The following FAAH2 variants were observed in gnomAD, a reference collection of about 807,000 sequenced individuals.
The protein encoded by FAAH2 is fatty-acid amide hydrolase 2.
Under a neutral mutation model 36.9 loss-of-function variants are expected in FAAH2, and 60 were observed. The observed-to-expected ratio is 1.63, with a 90% CI of 1.32 to 2.02. The LOEUF is 2.02. FAAH2 is among the 30% of genes most tolerant of loss of function. The pLI, the probability that FAAH2 is intolerant of heterozygous loss-of-function variation, is 0.00. For synonymous variants in FAAH2, 214 were observed against 143.8 expected, an observed-to-expected ratio of 1.49 and a Z score of -3.49; for missense variants, 689 against 397.5, an observed-to-expected ratio of 1.73 and a Z score of -6.23.
intron 10 of FAAH2, among the ~76,000 whole-genome samples, chrX:57,471,996 G>A (rs2057177261): frequency 8.9e-6 from 1 of 111,941 alleles, no homozygotes; most frequent in South Asian, 3.7e-4. Flanking sequence ...ATGAGGAAAG[G>A]ATTCCCTATT....
the FAAH2 span, among the ~76,000 whole-genome samples, chrX:57,155,717 TCTACTGTGATCTTTTCCCAGTTCCTCTGG>T: frequency 2.7e-5 from 3 of 112,227 alleles, no homozygotes; most frequent in African/African-American, 3.2e-5. Context: ...GAGGTTTCCT[TCTACTGTGATCTTTTCCCAGTTCCTCTGG>T]CTACTGTGAT....
At chrX:57,147,875 T>A in the FAAH2 span, among the ~76,000 whole-genome samples, 2 of 112,078 alleles carry the variant, frequency 1.8e-5, no homozygotes, top group Admixed American at 9.5e-5. Context: ...TTTGAAGATT[T>A]CTTTTGGAGT....
the FAAH2 span, among the ~76,000 whole-genome samples, chrX:57,141,206 G>T: frequency 9.0e-6 from 1 of 111,134 alleles, no homozygotes; most frequent in Non-Finnish European, 1.9e-5. Flanking sequence ...TATGGTTTTG[G>T]TACTTTATTC....
chrX:57,443,040 A>G (rs181795434), intron 8 of FAAH2, among the ~76,000 whole-genome samples: 33 of 111,542 alleles, frequency 3.0e-4, no homozygotes, highest in Non-Finnish European at 5.6e-4. Context: ...TCTGCCCTTG[A>G]CATTGTTTTC....
At chrX:57,226,987 A>G in the FAAH2 span, among the ~76,000 whole-genome samples, 180 of 110,925 alleles carry the variant, frequency 1.6e-3, no homozygotes, top group Non-Finnish European at 1.2e-3. Flanking sequence ...AGTGTGTCCA[A>G]TGTTTCCTGA....
At chrX:57,431,577 A>G (rs970965830) in intron 7 of FAAH2, among the ~76,000 whole-genome samples, 2 of 110,675 alleles carry the variant, frequency 1.8e-5, no homozygotes, top group African/African-American at 6.6e-5. Context: ...CAATGGAGGA[A>G]CCAATAATTT....
At chrX:57,311,934 G>C (rs763435413) in intron 3 of FAAH2, among the ~76,000 whole-genome samples, 1 of 112,106 alleles carries the variant, frequency 8.9e-6, no homozygotes, top group East Asian at 2.8e-4. Flanking sequence ...AATGAAGCTG[G>C]GGAGGAGCTC....
intron 10 of FAAH2, among the ~76,000 whole-genome samples, chrX:57,477,364 C>A (rs1327791347): frequency 9.0e-6 from 1 of 110,844 alleles, no homozygotes; most frequent in Non-Finnish European, 1.9e-5. Context: ...ATGGGTACAG[C>A]TTTTAATAAT....
chrX:57,323,896 T>C, intron 3 of FAAH2, among the ~76,000 whole-genome samples: 1 of 111,315 alleles, frequency 9.0e-6, no homozygotes, highest in South Asian at 3.8e-4. Context: ...TTTCATGTTT[T>C]AGACATGAAG....
rs767491483 is a variant in FAAH2 at position 57,380,964 on chromosome X, G to A, written c.931G>A (p.Glu311Lys). The A allele has an allele frequency of 1.1e-5, 13 of 1,200,983 alleles. No individual in the cohort carries two copies. The South Asian group carries it at 2.2e-4, about 20-fold the overall frequency. ...HLKDLKFYWMEHDGGSFLMSK... is the reference protein window; with the variant it reads ...HLKDLKFYWMKHDGGSFLMSK... ...AAAAGACTTAAAATTTTACTGGATGGAACATGATGGAGGCTCATTTTTAAT... is the reference window on the plus strand; with the variant it reads ...AAAAGACTTAAAATTTTACTGGATGAAACATGATGGAGGCTCATTTTTAAT... The change falls in exon 7 of 11, where the codon GAA (glutamate) becomes AAA (lysine). Residue 311 changes from glutamate to lysine, a missense_variant. Glu to Lys is a moderately conservative substitution (Grantham distance 56). Transcript: ENST00000374900.
At chrX:57,454,451 T>C (rs749746223) in intron 10 of FAAH2, among the ~76,000 whole-genome samples, 1 of 112,008 alleles carries the variant, frequency 8.9e-6, no homozygotes, top group Non-Finnish European at 1.9e-5. Context: ...CTCCCAGAAA[T>C]GGTTCTTAAC....
chrX:57,260,717 TAAAC>T, the FAAH2 span, among the ~76,000 whole-genome samples: 1 of 111,297 alleles, frequency 9.0e-6, no homozygotes, highest in African/African-American at 3.3e-5. Flanking sequence ...GTGAAAAATT[TAAAC>T]AAACACTAGG....
At chrX:57,396,858 G>A (rs1236340900) in intron 7 of FAAH2, among the ~76,000 whole-genome samples, 4 of 111,471 alleles carry the variant, frequency 3.6e-5, no homozygotes, top group Non-Finnish European at 7.5e-5. Context: ...CGGTTCATTT[G>A]GTCTGGGTCC....
the FAAH2 span, among the ~76,000 whole-genome samples, chrX:57,198,829 G>A: frequency 8.9e-6 from 1 of 111,845 alleles, no homozygotes; most frequent in Non-Finnish European, 1.9e-5. Flanking sequence ...CTCTAAATTT[G>A]TTCCAGTTCT....
chrX:57,399,844 A>T (rs1247915390), intron 7 of FAAH2, among the ~76,000 whole-genome samples: 1 of 111,846 alleles, frequency 8.9e-6, no homozygotes, highest in African/African-American at 3.3e-5. Context: ...CTAGCGCCTG[A>T]GTGAGGGCTA....
intron 10 of FAAH2, among the ~76,000 whole-genome samples, chrX:57,479,162 A>C (rs1184822121): frequency 9.0e-6 from 1 of 110,763 alleles, no homozygotes; most frequent in Non-Finnish European, 1.9e-5. Flanking sequence ...CTTTTATTTC[A>C]TTGAGCAGTG....
intron 5 of FAAH2, among the ~76,000 whole-genome samples, chrX:57,347,155 A>G (rs952694298): frequency 1.1e-4 from 12 of 111,391 alleles, no homozygotes; most frequent in African/African-American, 3.6e-4. Context: ...TTTCAAATAT[A>G]TTTTCCAAGT....
the FAAH2 span, among the ~76,000 whole-genome samples, chrX:57,243,133 C>T: frequency 9.0e-6 from 1 of 111,690 alleles, no homozygotes; most frequent in Admixed American, 9.5e-5. Flanking sequence ...AACAAAGCTG[C>T]CAGGAAGTTC....
Position 57,340,372 on chromosome X carries a change from C to T in FAAH2, c.623-899C>T, listed in dbSNP as rs1020288276. 1.3e-4 allele frequency among the ~76,000 whole-genome samples: 14 copies of T among 111,951 alleles called. No homozygotes were observed. The Middle Eastern group carries it at 0.014, about 112-fold the overall frequency. The stretch of plus-strand genomic sequence containing the variant: ...CTCCTTTGCAACACTCTCACAGACA[C>T]ACCCAGGAAGAATACTTTGCATTTT... On this transcript the variant is annotated intron_variant, in intron 4 of 10. Coordinates refer to ENST00000374900, the MANE Select transcript of FAAH2 (RefSeq NM_174912.4).
Sources: allele counts gnomAD v4.1 joint callset (sites outside exome capture counted in the v4.1 genomes callset), GRCh38; gene constraint gnomAD v4.1.1; transcripts MANE v1.5; gene names NCBI Gene and HGNC (gene_info 2026-07-23, HGNC 2026-07-21).